FRMPD1: variants seen among roughly 807,000 people sequenced by gnomAD.
FRMPD1 encodes the protein FERM and PDZ domain containing 1.
FRMPD1 carries 76 observed loss-of-function variants against 117.8 expected under a neutral mutation model. That is an observed-to-expected ratio of 0.65 (90% CI 0.54 to 0.78). The LOEUF (loss-of-function observed/expected upper bound fraction) is 0.78, where lower values mean the gene tolerates loss of function less well. FRMPD1 is among the 30% of genes least tolerant of loss of function. FRMPD1 has a pLI of 0.00. For synonymous variants in FRMPD1, 783 were observed against 770.4 expected (o/e 1.02, Z -0.27); for missense variants, 1,786 against 1,964.5 (o/e 0.91, Z 1.72).
At chr9:37,608,441 T>G in the FRMPD1 span, among the ~76,000 whole-genome samples, 1 of 151,810 alleles carries the variant, frequency 6.6e-6, no homozygotes, top group African/African-American at 2.4e-5. Context: ...ACATCCTTCC[T>G]TCTTTTCTTT....
Position 37,740,780 on chromosome 9 carries a change from T to C in FRMPD1, c.2252T>C (p.Leu751Pro). Residue 751 changes from leucine (L) to proline (P), a missense_variant, in exon 15 of 16, where the codon CTG becomes CCG. By Grantham distance (98) the Leu-to-Pro change is moderately conservative. Coordinates refer to ENST00000377765, the MANE Select transcript of FRMPD1 (RefSeq NM_014907.3). The surrounding 1 kb of genome is among the most constrained non-coding windows in gnomAD (Gnocchi z 4.2). ...ACTGAGGCCCAGCCCAGTTCCATGCTGGAACCCCTGGCCCTGCACCCACCA... is the reference window on the plus strand; with the variant it reads ...ACTGAGGCCCAGCCCAGTTCCATGCCGGAACCCCTGGCCCTGCACCCACCA... ...GWTEAQPSSM[L>P]EPLALHPPLA... 3.7e-6 allele frequency: 6 copies of C among 1,614,158 alleles called. No homozygotes were observed. The highest frequency in any genetic ancestry group is 5.1e-6 in the Non-Finnish European group (6 of 1,179,994).
intron 1 of FRMPD1, 100 bp from the exon 2 acceptor site, chr9:37,692,538 G>C: frequency 1.2e-6 from 1 of 804,652 alleles, no homozygotes; most frequent in Non-Finnish European, 2.2e-6. Context: ...CGATTAGCAT[G>C]TCTTATAATG....
intron 15 of FRMPD1, among the ~76,000 whole-genome samples, chr9:37,743,919 G>T (rs542009596): frequency 6.6e-6 from 1 of 151,352 alleles, no homozygotes; most frequent in African/African-American, 2.4e-5. Context: ...AAAAAAGTCG[G>T]CCAGGCGCGG....
the FRMPD1 span, among the ~76,000 whole-genome samples, chr9:37,609,857 C>T: frequency 6.6e-6 from 1 of 152,174 alleles, no homozygotes; most frequent in Non-Finnish European, 1.5e-5. Flanking sequence ...TCAGGAAAGC[C>T]AAGCCTACTC....
At chr9:37,692,207 T>A (rs1822163428) in intron 1 of FRMPD1, among the ~76,000 whole-genome samples, 1 of 152,176 alleles carries the variant, frequency 6.6e-6, no homozygotes, top group Non-Finnish European at 1.5e-5. Flanking sequence ...CTCAGAGGAA[T>A]CTGCACAATG....
At chr9:37,627,401 G>A in the FRMPD1 span, among the ~76,000 whole-genome samples, 1 of 152,194 alleles carries the variant, frequency 6.6e-6, no homozygotes, top group Non-Finnish European at 1.5e-5. Context: ...GCATCACTGT[G>A]CAAGTGAGTC....
At position 37,707,549 on chromosome 9, in the gene FRMPD1, CT is replaced by C. The variant is rs1563941461; in HGVS notation, c.237del (p.Thr80GlnfsTer24). 1 of 1,613,936 alleles carries C rather than the reference CT, an allele frequency of 6.2e-7. No homozygotes were observed. The highest frequency in any genetic ancestry group is 1.1e-5 in the South Asian group (1 of 91,014). ...YGFHISESLP[L>X]TVVAVTAGGS... is the part of the protein sequence containing the mutation. ...ATTTCACATTTCTGAGAGCCTTCCCCTTACAGTGGTGGCTGTCACAGCAGGT... is the reference window on the plus strand; with the variant it reads ...ATTTCACATTTCTGAGAGCCTTCCCCTACAGTGGTGGCTGTCACAGCAGGT... On this transcript the variant is annotated frameshift_variant, in exon 3 of 16. Transcript: ENST00000377765. LOFTEE classifies it high-confidence loss of function.
At chr9:37,695,180 G>T (rs1822277435) in intron 2 of FRMPD1, among the ~76,000 whole-genome samples, 3 of 152,174 alleles carry the variant, frequency 2.0e-5, no homozygotes, top group Non-Finnish European at 4.4e-5. Context: ...CTTAGGAGTG[G>T]AATAGTTGGG....
At chr9:37,720,475 T>G (rs1025584988) in intron 6 of FRMPD1, among the ~76,000 whole-genome samples, 1 of 152,032 alleles carries the variant, frequency 6.6e-6, no homozygotes, top group Non-Finnish European at 1.5e-5. Flanking sequence ...CCATCCTGGC[T>G]AACATGGCGA....
intron 14 of FRMPD1, among the ~76,000 whole-genome samples, chr9:37,737,811 G>T (rs985057425): frequency 7.8e-6 from 1 of 128,346 alleles, no homozygotes; most frequent in Non-Finnish European, 1.6e-5. Flanking sequence ...CAACAAGAGC[G>T]AAACTCCATC....
chr9:37,636,651 A>C, the FRMPD1 span: 3 of 1,403,930 alleles, frequency 2.1e-6, no homozygotes, highest in Non-Finnish European at 1.9e-6. Flanking sequence ...CATCATTTGG[A>C]GAAGGTGCCC....
At chr9:37,692,249 C>G (rs1184917179) in intron 1 of FRMPD1, among the ~76,000 whole-genome samples, 2 of 152,162 alleles carry the variant, frequency 1.3e-5, no homozygotes, top group African/African-American at 4.8e-5. Context: ...CCATGGGGTT[C>G]CTGATGCAGG....
At chr9:37,603,700 C>T in the FRMPD1 span, among the ~76,000 whole-genome samples, 1 of 151,466 alleles carries the variant, frequency 6.6e-6, no homozygotes, top group Non-Finnish European at 1.5e-5. Context: ...GTTTTTGAGA[C>T]GGAGTTTTGC....
the FRMPD1 span, among the ~76,000 whole-genome samples, chr9:37,637,720 T>C: frequency 5.9e-5 from 9 of 152,198 alleles, no homozygotes; most frequent in Admixed American, 5.2e-4. Context: ...GGATTGCTCA[T>C]CCGTAAGACA....
the FRMPD1 span, among the ~76,000 whole-genome samples, chr9:37,644,254 T>C: frequency 1.3e-5 from 2 of 151,024 alleles, no homozygotes; most frequent in African/African-American, 2.4e-5. Flanking sequence ...TCCTCTCCTG[T>C]TGAGAGGTCC....
chr9:37,626,621 T>TAAAA, the FRMPD1 span, among the ~76,000 whole-genome samples: 1 of 28,178 alleles, frequency 3.5e-5, no homozygotes, highest in African/African-American at 1.6e-4. Flanking sequence ...ACCTGGTATC[T>TAAAA]GAAAAAAAAA....
chr9:37,709,421 C>T (rs1822830619), intron 4 of FRMPD1, among the ~76,000 whole-genome samples: 2 of 150,474 alleles, frequency 1.3e-5, no homozygotes, highest in South Asian at 2.1e-4. Flanking sequence ...CTCTTGGGCT[C>T]AAGTGGTCTT....
At chr9:37,613,889 A>T in the FRMPD1 span, among the ~76,000 whole-genome samples, 1 of 152,256 alleles carries the variant, frequency 6.6e-6, no homozygotes, top group Non-Finnish European at 1.5e-5. Context: ...AAGCTGCATA[A>T]GGGCAGAAGC....
intron 1 of FRMPD1, among the ~76,000 whole-genome samples, chr9:37,666,775 G>A (rs1821172624): frequency 6.6e-6 from 1 of 152,158 alleles, no homozygotes; most frequent in African/African-American, 2.4e-5. Context: ...CTGAAGAGAT[G>A]TGCAAGTACT....
Sources: allele counts gnomAD v4.1 joint callset (sites outside exome capture counted in the v4.1 genomes callset), GRCh38; gene constraint gnomAD v4.1.1; non-coding constraint Gnocchi (gnomAD v3.1); transcripts MANE v1.5; gene names NCBI Gene and HGNC (gene_info 2026-07-23, HGNC 2026-07-21).